TRAPPC9: variants seen among roughly 807,000 people sequenced by gnomAD.
The protein encoded by TRAPPC9 is trafficking protein particle complex subunit 9.
Under a neutral mutation model 124.0 loss-of-function variants are expected in TRAPPC9, and 83 were observed. That is an observed-to-expected ratio of 0.67 (90% CI 0.56 to 0.80). The LOEUF (loss-of-function observed/expected upper bound fraction) is 0.80, where lower values mean the gene tolerates loss of function less well. TRAPPC9 is among the 30% of genes least tolerant of loss of function. The pLI, the probability that TRAPPC9 is intolerant of heterozygous loss-of-function variation, is 0.00. For synonymous variants in TRAPPC9, 638 were observed against 617.5 expected (o/e 1.03, Z -0.49); for missense variants, 1,302 against 1,508.3 (o/e 0.86, Z 2.27).
chr8:140,449,527 G>A (rs1416618634), intron 2 of TRAPPC9, among the ~76,000 whole-genome samples: 1 of 152,234 alleles, frequency 6.6e-6, no homozygotes, highest in African/African-American at 2.4e-5. Flanking sequence ...TTGAAATAAA[G>A]TTTTTGACTT....
At chr8:140,283,568 T>C (rs1340142529) in intron 14 of TRAPPC9, among the ~76,000 whole-genome samples, 1 of 151,786 alleles carries the variant, frequency 6.6e-6, no homozygotes, top group Non-Finnish European at 1.5e-5. Context: ...AGTGCTGGGA[T>C]TACACATGTG....
intron 18 of TRAPPC9, among the ~76,000 whole-genome samples, chr8:140,014,019 A>G (rs114980375): frequency 1.2e-3 from 188 of 152,272 alleles, no homozygotes; most frequent in African/African-American, 4.3e-3. Context: ...CAATCTACTA[A>G]GTAAACATAG....
intron 19 of TRAPPC9, among the ~76,000 whole-genome samples, chr8:139,947,521 T>C (rs1834305435): frequency 6.6e-6 from 1 of 152,118 alleles, no homozygotes; most frequent in Non-Finnish European, 1.5e-5. Context: ...TGTTGAAAAG[T>C]AGAATAAAGT....
At position 140,033,658 on chromosome 8, in the gene TRAPPC9, G is replaced by GTTTTT. The variant is rs776155126; in HGVS notation, c.2557-9584_2557-9580dup. The stretch of plus-strand genomic sequence containing the variant: ...TTGAAATGCAACTCTTCATAATGTG[G>GTTTTT]TTTTTTTTTTTTTTTTTTTTTTTTT... On this transcript the variant is annotated intron_variant, in intron 17 of 22. Coordinates refer to ENST00000438773, the MANE Select transcript of TRAPPC9 (RefSeq NM_001160372.4). 9.4e-3 allele frequency among the ~76,000 whole-genome samples: 395 copies of GTTTTT among 42,232 alleles called. 46 individuals are homozygous for GTTTTT. Among genetic ancestry groups the GTTTTT allele is most frequent in the Non-Finnish European group, 0.017 (310 of 17,988 alleles). 27.7% of individuals were successfully genotyped at this position (42,232 alleles called of 152,430 possible). A position where few individuals can be genotyped will look rare whatever the true frequency, so the allele number is the denominator to read the frequency against.
At chr8:140,306,827 A>G (rs2066151098) in intron 10 of TRAPPC9, among the ~76,000 whole-genome samples, 1 of 152,198 alleles carries the variant, frequency 6.6e-6, no homozygotes, top group Admixed American at 6.5e-5. Flanking sequence ...AAGGGCAGAT[A>G]TTCATCAATG....
At chr8:140,105,277 T>C (rs1246537506) in intron 17 of TRAPPC9, among the ~76,000 whole-genome samples, 1 of 152,216 alleles carries the variant, frequency 6.6e-6, no homozygotes, top group African/African-American at 2.4e-5. Flanking sequence ...TATAAATATA[T>C]GGCAAATTGA....
At chr8:139,990,344 G>C (rs943468612) in intron 18 of TRAPPC9, among the ~76,000 whole-genome samples, 3 of 152,170 alleles carry the variant, frequency 2.0e-5, no homozygotes, top group African/African-American at 7.2e-5. Flanking sequence ...TTTCCCAATA[G>C]ATGTGGACCT....
chr8:139,922,445 G>A (rs551831916), intron 19 of TRAPPC9, among the ~76,000 whole-genome samples: 3 of 152,374 alleles, frequency 2.0e-5, no homozygotes, highest in African/African-American at 7.2e-5. Flanking sequence ...GCCTCCCAAT[G>A]TGCTGGGATT....
chr8:139,929,348 G>A (rs537746733), intron 19 of TRAPPC9, among the ~76,000 whole-genome samples: 3 of 152,204 alleles, frequency 2.0e-5, no homozygotes, highest in African/African-American at 4.8e-5. Flanking sequence ...AACAGATAAC[G>A]TCTGATACAT....
chr8:139,983,418 G>GC (rs1563664443), intron 19 of TRAPPC9, among the ~76,000 whole-genome samples: 2 of 150,236 alleles, frequency 1.3e-5, no homozygotes, highest in Non-Finnish European at 1.5e-5. Flanking sequence ...ACCTTCCTTG[G>GC]CCCCCCAGTC....
intron 21 of TRAPPC9, among the ~76,000 whole-genome samples, chr8:139,773,305 G>A (rs1361035015): frequency 6.6e-6 from 1 of 152,262 alleles, no homozygotes; most frequent in African/African-American, 2.4e-5. Flanking sequence ...TTTAGCACCA[G>A]TGGGATCACT....
chr8:139,800,918 T>C (rs1216365763), intron 21 of TRAPPC9, among the ~76,000 whole-genome samples: 36 of 143,730 alleles, frequency 2.5e-4, no homozygotes, highest in African/African-American at 7.3e-4. Context: ...CTCCCTCCGG[T>C]ACCTTCCCTC....
At chr8:140,226,055 G>T (rs147193747) in intron 16 of TRAPPC9, among the ~76,000 whole-genome samples, 1 of 152,264 alleles carries the variant, frequency 6.6e-6, no homozygotes, top group African/African-American at 2.4e-5. Flanking sequence ...TCTGGCTTTT[G>T]TCTGCCCAGC....
intron 9 of TRAPPC9, among the ~76,000 whole-genome samples, chr8:140,349,231 A>G (rs2067453501): frequency 1.2e-5 from 1 of 83,508 alleles, no homozygotes; most frequent in Non-Finnish European, 2.5e-5. Flanking sequence ...AAGGGGGCCG[A>G]AGGGGGCACA....
intron 12 of TRAPPC9, 81 bp downstream of exon 12, chr8:140,290,912 G>A: frequency 9.1e-7 from 1 of 1,094,766 alleles, no homozygotes; most frequent in African/African-American, 1.5e-5. Context: ...TAAGATGTGT[G>A]CCTCAGACAT....
intron 19 of TRAPPC9, among the ~76,000 whole-genome samples, chr8:139,979,754 G>C (rs1334347162): frequency 2.6e-5 from 4 of 152,170 alleles, no homozygotes; most frequent in South Asian, 2.1e-4. Flanking sequence ...GGGGAACCAA[G>C]AGACCCACAG....
At chr8:139,772,894 C>T (rs1409597899) in intron 21 of TRAPPC9, among the ~76,000 whole-genome samples, 1 of 152,230 alleles carries the variant, frequency 6.6e-6, no homozygotes, top group Non-Finnish European at 1.5e-5. Context: ...GTCTACAGGC[C>T]AAGGAGTGAG....
chr8:140,287,053 G>A (rs571046855), intron 13 of TRAPPC9, among the ~76,000 whole-genome samples: 11 of 152,206 alleles, frequency 7.2e-5, no homozygotes, highest in South Asian at 4.2e-4. Context: ...GCAGAGAGGC[G>A]GTAAAGTATC....
At chr8:140,426,756 C>A in intron 4 of TRAPPC9, 115 bp from the exon 5 acceptor site, 1 of 1,058,848 alleles carries the variant, frequency 9.4e-7, no homozygotes. Context: ...TGACTTGTAT[C>A]TGATCAGAAA....
Sources: allele counts gnomAD v4.1 joint callset (sites outside exome capture counted in the v4.1 genomes callset), GRCh38; gene constraint gnomAD v4.1.1; transcripts MANE v1.5; gene names NCBI Gene and HGNC (gene_info 2026-07-23, HGNC 2026-07-21).